Variants in SNX24 observed in about 807,000 individuals in gnomAD.
The protein encoded by SNX24 is sorting nexin-24.
Under a neutral mutation model 28.7 loss-of-function variants are expected in SNX24, and 22 were observed. That is an observed-to-expected ratio of 0.77 (90% CI 0.55 to 1.10). The LOEUF (loss-of-function observed/expected upper bound fraction) is 1.10. SNX24 is among the 50% of genes least tolerant of loss of function. The probability of loss-of-function intolerance (pLI) is 0.00; values close to 1 mark genes in which losing one functional copy is unlikely to be tolerated. For synonymous variants in SNX24, 69 were observed against 71.5 expected, an observed-to-expected ratio of 0.96 and a Z score of 0.18; for missense variants, 221 against 201.1, an observed-to-expected ratio of 1.10 and a Z score of -0.60.
intron 5 of SNX24, among the ~76,000 whole-genome samples, chr5:123,026,687 C>A (rs552427724): frequency 6.6e-6 from 1 of 152,188 alleles, no homozygotes; most frequent in Non-Finnish European, 1.5e-5. Context: ...CAATTGGGAG[C>A]ACCCAGTGGT....
At chr5:122,891,964 A>G (rs1383534080) in intron 1 of SNX24, among the ~76,000 whole-genome samples, 1 of 152,182 alleles carries the variant, frequency 6.6e-6, no homozygotes, top group East Asian at 1.9e-4. Flanking sequence ...GTGTAGGGTC[A>G]AAGGCATGAA....
At chr5:122,932,447 C>G (rs967496475) in intron 1 of SNX24, among the ~76,000 whole-genome samples, 2 of 152,120 alleles carry the variant, frequency 1.3e-5, no homozygotes, top group African/African-American at 4.8e-5. Flanking sequence ...AGTCCAGCTT[C>G]AGCAACATAG....
intron 3 of SNX24, among the ~76,000 whole-genome samples, chr5:122,953,527 G>GAA (rs35953786): frequency 2.4e-3 from 356 of 148,488 alleles, no homozygotes; most frequent in East Asian, 2.5e-3. Context: ...TAATCTTCCA[G>GAA]AAAAAAAAAA....
rs1762261309 is a variant in SNX24, at chr5:123,001,922, T to C, written c.378-18T>C. On this transcript the variant is annotated intron_variant, in intron 5 of 6. Transcript: ENST00000261369. ...CATCGTCCCCTGATGCTGACATGCC[T>C]GTTCTTGACCTTTCCAGCAAACTGT... 2 of 1,612,354 alleles carry C rather than the reference T, an allele frequency of 1.2e-6. No homozygotes were observed. Among genetic ancestry groups the C allele is most frequent in the Admixed American group, 3.3e-5 (2 of 60,000 alleles).
chr5:123,029,134 A>G, intron 5 of SNX24: 1 of 1,263,334 alleles, frequency 7.9e-7, no homozygotes, highest in Non-Finnish European at 1.1e-6. Context: ...AATTTCCAGA[A>G]GCCTAAGGGC....
intron 1 of SNX24, among the ~76,000 whole-genome samples, chr5:122,854,876 A>G (rs1242732843): frequency 2.0e-5 from 3 of 152,198 alleles, no homozygotes; most frequent in Non-Finnish European, 4.4e-5. Context: ...ACTACACTAT[A>G]GTTTATTAAG....
At chr5:122,997,089 T>C (rs1170182787) in intron 3 of SNX24, among the ~76,000 whole-genome samples, 1 of 152,244 alleles carries the variant, frequency 6.6e-6, no homozygotes, top group African/African-American at 2.4e-5. Context: ...ATTCCTCTTT[T>C]GTATCTCTGT....
intron 1 of SNX24, among the ~76,000 whole-genome samples, chr5:122,901,760 G>T (rs956406545): frequency 6.6e-6 from 1 of 152,154 alleles, no homozygotes; most frequent in Non-Finnish European, 1.5e-5. Context: ...TGGACATGGG[G>T]TAATACCAGA....
chr5:122,858,239 A>G (rs1755297663), intron 1 of SNX24, among the ~76,000 whole-genome samples: 1 of 152,246 alleles, frequency 6.6e-6, no homozygotes, highest in Non-Finnish European at 1.5e-5. Flanking sequence ...ACCATAACAG[A>G]TAAAATAATA....
Position 123,007,934 on chromosome 5 carries a change from T to C in SNX24, c.*185T>C. The C allele has an allele frequency of 7.2e-7, 1 of 1,388,964 alleles. No homozygotes were observed. Among genetic ancestry groups the C allele is most frequent in the Non-Finnish European group, 9.4e-7 (1 of 1,067,416 alleles). 86.0% of individuals were successfully genotyped at this position (1,388,964 alleles called of 1,614,324 possible). A position where few individuals can be genotyped will look rare whatever the true frequency, so the allele number is the denominator to read the frequency against. Reference sequence around the variant, plus strand: ...GAATGGTGCTCTTAAAAATAGAAACTGAACCGGGGCGGTGGTCAGGCTAAG... The same window carrying C: ...GAATGGTGCTCTTAAAAATAGAAACCGAACCGGGGCGGTGGTCAGGCTAAG... On this transcript the variant is annotated 3_prime_UTR_variant, in exon 7 of 7. Coordinates refer to ENST00000261369, the MANE Select transcript of SNX24 (RefSeq NM_014035.4).
At chr5:122,855,850 A>T (rs1755165458) in intron 1 of SNX24, among the ~76,000 whole-genome samples, 1 of 152,148 alleles carries the variant, frequency 6.6e-6, no homozygotes, top group Admixed American at 6.5e-5. Context: ...ACCTAATTTC[A>T]ATATTGTTTG....
rs769325059 is a variant in SNX24 at position 123,001,405 on chromosome 5, A to G, written c.345A>G (p.Gly115=). 4 of 1,602,002 alleles carry G rather than the reference A, an allele frequency of 2.5e-6. No homozygotes were observed. The highest frequency in any genetic ancestry group is 2.7e-5 in the African/African-American group (2 of 74,690). The change falls in exon 5 of 7, where the codon GGA becomes GGG. Residue 115 remains glycine (G), a splice_region_variant and synonymous_variant. Coordinates refer to ENST00000261369, the MANE Select transcript of SNX24 (RefSeq NM_014035.4). ...LPSLPKAESC[G]SFDETESEES... is the part of the protein sequence containing the mutation. ...TTTTTTCCTTTTTCAAAACTTTTAGATCTTTTGATGAAACAGAGTCTGAAG... is the reference window on the plus strand; with the variant it reads ...TTTTTTCCTTTTTCAAAACTTTTAGGTCTTTTGATGAAACAGAGTCTGAAG...
At chr5:122,918,173 C>T (rs1468233582) in intron 1 of SNX24, among the ~76,000 whole-genome samples, 1 of 152,096 alleles carries the variant, frequency 6.6e-6, no homozygotes, top group African/African-American at 2.4e-5. Context: ...ATTTGGGAGG[C>T]CCAAGTGGGC....
chr5:122,958,307 G>A (rs1760305608), intron 3 of SNX24, among the ~76,000 whole-genome samples: 2 of 151,532 alleles, frequency 1.3e-5, no homozygotes, highest in African/African-American at 4.9e-5. Context: ...AGGCTGGAAT[G>A]CAATGGCATG....
chr5:123,023,809 C>CACAT, intron 5 of SNX24: 1 of 849,088 alleles, frequency 1.2e-6, no homozygotes, highest in Non-Finnish European at 1.5e-6. Context: ...GACAACACAA[C>CACAT]ACACACACAC....
Position 122,889,663 on chromosome 5 carries a change from G to GTA in SNX24, c.60+43980_60+43981dup, listed in dbSNP as rs555164574. 4.3e-3 allele frequency among the ~76,000 whole-genome samples: 608 copies of GTA among 142,268 alleles called. 5 individuals are homozygous for GTA. Among genetic ancestry groups the GTA allele is most frequent in the African/African-American group, 0.013 (499 of 38,196 alleles). 93.3% of individuals were successfully genotyped at this position (142,268 alleles called of 152,430 possible). On this transcript the variant is annotated intron_variant, in intron 1 of 6. Transcript: ENST00000261369. ...TACACATACATATGTATATATATGT[G>GTA]TATATATATATGTGTATATATATGT...
At chr5:122,934,637 C>T (rs1042125932) in intron 1 of SNX24, among the ~76,000 whole-genome samples, 15 of 152,178 alleles carry the variant, frequency 9.9e-5, no homozygotes, top group Admixed American at 6.5e-5. Context: ...GGATTACAGG[C>T]GTGAGCCATT....
At chr5:123,013,721 T>G (rs1762633189), downstream of SNX24, among the ~76,000 whole-genome samples, 1 of 152,218 alleles carries the variant, frequency 6.6e-6, no homozygotes, top group Admixed American at 6.5e-5. Flanking sequence ...CACTTAACAG[T>G]AGTTACAGTG....
intron 1 of SNX24, among the ~76,000 whole-genome samples, chr5:122,873,322 G>C (rs2150053594): frequency 6.6e-6 from 1 of 152,220 alleles, no homozygotes; most frequent in South Asian, 2.1e-4. Flanking sequence ...TGCTTCTTCT[G>C]TGAGTTCTGG....
Sources: gnomAD v4.1 joint callset for allele counts (sites outside exome capture counted in the v4.1 genomes callset) on GRCh38, gnomAD v4.1.1 for gene constraint, MANE v1.5 for transcripts, NCBI Gene and HGNC (gene_info 2026-07-23, HGNC 2026-07-21) for gene names.